The following MEAK7 variants were observed in gnomAD, a reference collection of about 807,000 sequenced individuals.
MEAK7 encodes MTOR-associated protein MEAK7.
Under a neutral mutation model 40.5 loss-of-function variants are expected in MEAK7, and 68 were observed. The observed-to-expected ratio is 1.68, with a 90% CI of 1.38 to 2.06. The LOEUF (loss-of-function observed/expected upper bound fraction) is 2.06, where lower values mean the gene tolerates loss of function less well. Among genes scored for constraint, MEAK7 ranks in the 30% most tolerant of loss-of-function variants. The pLI is 0.00. For synonymous variants in MEAK7, 338 were observed against 231.9 expected, an observed-to-expected ratio of 1.46 and a Z score of -4.16; for missense variants, 918 against 580.5, an observed-to-expected ratio of 1.58 and a Z score of -5.98.
In MEAK7 at chr16:84,490,156, T is replaced by C. The variant is rs1008735614; in HGVS notation, c.385-734A>G. 2.6e-5 allele frequency among the ~76,000 whole-genome samples: 4 copies of C among 152,316 alleles called. No individual in the cohort carries two copies. In the East Asian group the frequency reaches 7.7e-4, roughly 29 times the overall value. ...CTGTTTTTATTTGTGGCTTCTGTTT[T>C]TATTGTTTCAGTCTTTTTCCCACTT... On this transcript the variant is annotated intron_variant, in intron 3 of 7. Coordinates refer to ENST00000343629, the MANE Select transcript of MEAK7 (RefSeq NM_020947.4).
intron 5 of MEAK7, chr16:84,486,384 C>T (rs888367076): frequency 1.4e-5 from 17 of 1,236,950 alleles, no homozygotes; most frequent in South Asian, 4.4e-5. Flanking sequence ...CCCATAGACC[C>T]GGCACCGTGT....
intron 5 of MEAK7, among the ~76,000 whole-genome samples, chr16:84,484,685 T>C (rs1482019270): frequency 3.3e-5 from 5 of 152,330 alleles, no homozygotes; most frequent in Admixed American, 3.3e-4. Context: ...CCTTCATTGT[T>C]TGTCCCACAG....
chr16:84,499,361 T>G (rs556789363), intron 1 of MEAK7, among the ~76,000 whole-genome samples: 1 of 152,096 alleles, frequency 6.6e-6, no homozygotes, highest in Non-Finnish European at 1.5e-5. Context: ...ACAGGCACCT[T>G]GATAAACAAA....
At position 84,479,771 on chromosome 16, in the gene MEAK7, T is replaced by C. The variant is rs4993377; in HGVS notation, c.*142A>G. 3.7e-3 allele frequency: 1,773 copies of C among 479,122 alleles called. 27 individuals are homozygous for C. The highest frequency in any genetic ancestry group is 0.031 in the African/African-American group (1,548 of 50,216). The allele number at this position is 479,122 out of a possible 1,614,324, so 29.7% of individuals were successfully genotyped here. On this transcript the variant is annotated 3_prime_UTR_variant, in exon 8 of 8. Coordinates refer to ENST00000343629, the MANE Select transcript of MEAK7 (RefSeq NM_020947.4). Reference sequence around the variant, plus strand: ...GGACATGGCTTCAGAGGGCGTCTTCTTGGCACATGTGGGACTACCAGGCTG... The same window carrying C: ...GGACATGGCTTCAGAGGGCGTCTTCCTGGCACATGTGGGACTACCAGGCTG...
chr16:84,503,190 A>G (rs369721213), intron 1 of MEAK7, among the ~76,000 whole-genome samples: 1 of 115,950 alleles, frequency 8.6e-6, no homozygotes, highest in Admixed American at 9.7e-5. Flanking sequence ...ATAAGTGCAT[A>G]TATCTACATA....
At chr16:84,482,547 G>A in intron 6 of MEAK7, 45 bp downstream of exon 6, 1 of 1,613,520 alleles carries the variant, frequency 6.2e-7, no homozygotes, top group Non-Finnish European at 8.5e-7. Context: ...ACCTTTGCTG[G>A]GGGACATCAC....
chr16:84,497,797 GC>G, intron 2 of MEAK7, 136 bp downstream of exon 2: 2 of 1,358,964 alleles, frequency 1.5e-6, no homozygotes, highest in East Asian at 4.6e-5. Flanking sequence ...GTCACATCTG[GC>G]CCTTTACAGA....
At position 84,477,194 on chromosome 16, in the gene MEAK7, C is replaced by CT. The variant is rs938355704; in HGVS notation, c.*2718dup. 167 of 146,352 alleles carry CT rather than the reference C, an allele frequency of 1.1e-3. No individual in the cohort carries two copies. Among genetic ancestry groups the CT allele is most frequent in the Non-Finnish European group, 1.4e-3 (94 of 66,440 alleles). 9.1% of individuals were successfully genotyped at this position (146,352 alleles called of 1,614,324 possible). A position where few individuals can be genotyped will look rare whatever the true frequency, so the allele number is the denominator to read the frequency against. On this transcript the variant is annotated 3_prime_UTR_variant, in exon 8 of 8. Coordinates refer to ENST00000343629, the MANE Select transcript of MEAK7 (RefSeq NM_020947.4). ...ACAGGCGTGAGCCATCACACCCAGC[C>CT]TTTTTTTTTTTCTTGAAACGGAGTT...
chr16:84,499,574 G>T (rs1285723170), intron 1 of MEAK7, among the ~76,000 whole-genome samples: 2 of 152,102 alleles, frequency 1.3e-5, no homozygotes, highest in Non-Finnish European at 2.9e-5. Context: ...TGGCATTTAG[G>T]ACCTTCACAA....
intron 6 of MEAK7, among the ~76,000 whole-genome samples, chr16:84,480,937 C>G (rs1225402279): frequency 6.6e-6 from 1 of 152,228 alleles, no homozygotes; most frequent in Non-Finnish European, 1.5e-5. Context: ...GACACCCACC[C>G]CATGGCTCTT....
chr16:84,496,241 C>A (rs1328088694), intron 2 of MEAK7, among the ~76,000 whole-genome samples: 4 of 152,188 alleles, frequency 2.6e-5, no homozygotes, highest in Non-Finnish European at 5.9e-5. Context: ...CCTGCATTTA[C>A]TTATTAAAAG....
In MEAK7 at chr16:84,486,798, T is replaced by C. The variant is rs1394912874; in HGVS notation, c.791A>G (p.His264Arg). The change falls in exon 5 of 8, where the codon CAC becomes CGC. Residue 264 changes from histidine (H) to arginine (R), a missense_variant. By Grantham distance (29) the His-to-Arg change is conservative. Coordinates refer to ENST00000343629, the MANE Select transcript of MEAK7 (RefSeq NM_020947.4). ...INAQLPREQR[H>R]RWCLLFSSEL... ...AGACGAAAAGAGCAGGCACCAGCGG[T>C]GCCGCTGCTCCCGAGGCAGCTGGGC... 6.8e-6 allele frequency: 11 copies of C among 1,613,896 alleles called. No individual in the cohort carries two copies. In the African/African-American group the frequency reaches 1.1e-4, roughly 16 times the overall value.
intron 3 of MEAK7, among the ~76,000 whole-genome samples, chr16:84,489,979 A>T (rs1046839719): frequency 6.6e-6 from 1 of 152,160 alleles, no homozygotes; most frequent in Admixed American, 6.5e-5. Flanking sequence ...CACTCCTAGG[A>T]AAGTAGATGA....
chr16:84,479,740 G>A lies in MEAK7; in HGVS notation c.*173C>T, dbSNP rs372831681. On this transcript the variant is annotated 3_prime_UTR_variant, in exon 8 of 8. Transcript: ENST00000343629. The stretch of plus-strand genomic sequence containing the variant: ...ATCTATTTCTGGGAGATCCACCCAT[G>A]AGTCAGGACATGGCTTCAGAGGGCG... The A allele has an allele frequency of 7.0e-6, 3 of 429,076 alleles. No individual in the cohort carries two copies. Among genetic ancestry groups the A allele is most frequent in the Admixed American group, 4.2e-5 (1 of 23,604 alleles). The allele number at this position is 429,076 out of a possible 1,614,324, so 26.6% of individuals were successfully genotyped here. A position where few individuals can be genotyped will look rare whatever the true frequency, so the allele number is the denominator to read the frequency against.
intron 2 of MEAK7, chr16:84,497,646 T>G (rs568850048): frequency 4.3e-6 from 6 of 1,409,088 alleles, no homozygotes; most frequent in African/African-American, 1.4e-5. Context: ...CCAGGTTCCT[T>G]TCTGTAGTAC....
At chr16:84,497,423 T>C in intron 2 of MEAK7, 1 of 1,288,150 alleles carries the variant, frequency 7.8e-7, no homozygotes, top group Non-Finnish European at 1.0e-6. Context: ...ACATACACAT[T>C]CTAGAGGCAA....
chr16:84,487,394 G>T, intron 4 of MEAK7: 1 of 288,930 alleles, frequency 3.5e-6, no homozygotes, highest in South Asian at 4.5e-5. Flanking sequence ...CATGGGGCTT[G>T]CTTTGTCTAT....
At chr16:84,504,165 G>T in intron 1 of MEAK7, 1 of 985,492 alleles carries the variant, frequency 1.0e-6, no homozygotes, top group Non-Finnish European at 1.2e-6. Context: ...AGCCCAGATG[G>T]GTGTGGTCAG....
intron 1 of MEAK7, chr16:84,502,858 A>G (rs935189721): frequency 6.6e-6 from 1 of 152,222 alleles, no homozygotes; most frequent in African/African-American, 2.4e-5. Context: ...TGACAGAGCA[A>G]GACTCTGTCT....
Sources: gnomAD v4.1 joint callset for allele counts (sites outside exome capture counted in the v4.1 genomes callset) on GRCh38, gnomAD v4.1.1 for gene constraint, MANE v1.5 for transcripts, NCBI Gene and HGNC (gene_info 2026-07-23, HGNC 2026-07-21) for gene names.